Variants in CC2D2A observed in about 807,000 individuals in gnomAD.
CC2D2A encodes coiled-coil and C2 domain-containing protein 2A.
A neutral mutation model predicts 212.9 loss-of-function variants in CC2D2A; 155 were observed. The ratio of observed to expected loss-of-function variants is 0.73; its 90% confidence interval spans 0.64 to 0.83. The LOEUF is 0.83. Ranked by LOEUF, CC2D2A falls within the 40% of genes least tolerant of loss-of-function variation. CC2D2A has a pLI of 0.00. For missense variants in CC2D2A, 1,856 were observed against 1,956.2 expected, an observed-to-expected ratio of 0.95 and a Z score of 0.97; for synonymous variants, 667 against 686.5, an observed-to-expected ratio of 0.97 and a Z score of 0.44.
At chr4:15,552,596 T>C (rs62289349) in intron 18 of CC2D2A, among the ~76,000 whole-genome samples, 4,088 of 152,332 alleles carry the variant, frequency 0.027, 84 homozygotes, top group South Asian at 0.066. Flanking sequence ...GTCTCTAACA[T>C]ACTAAGTATT....
At chr4:15,557,604 C>A in intron 21 of CC2D2A, 97 bp downstream of exon 21, 1 of 705,504 alleles carries the variant, frequency 1.4e-6, no homozygotes, top group South Asian at 2.5e-5. Context: ...GTTATGTTGT[C>A]ACTAGCAATA....
At chr4:15,507,798 G>A (rs963668172) in intron 6 of CC2D2A, among the ~76,000 whole-genome samples, 2 of 152,210 alleles carry the variant, frequency 1.3e-5, no homozygotes, top group African/African-American at 2.4e-5. Flanking sequence ...TGTTGGGCCC[G>A]CAGAGCAGAC....
At chr4:15,514,638 A>T in intron 8 of CC2D2A, 69 bp from the exon 9 acceptor site, 1 of 1,200,966 alleles carries the variant, frequency 8.3e-7, no homozygotes, top group Non-Finnish European at 1.1e-6. Context: ...TGAGTTTGGT[A>T]TTGTGAATTA....
chr4:15,508,295 C>T (rs1716370601), intron 6 of CC2D2A, among the ~76,000 whole-genome samples: 1 of 152,154 alleles, frequency 6.6e-6, no homozygotes, highest in Non-Finnish European at 1.5e-5. Context: ...TTCCCAGTCC[C>T]CAGTTCCTGT....
intron 6 of CC2D2A, among the ~76,000 whole-genome samples, chr4:15,506,235 G>A (rs770677827): frequency 2.6e-5 from 4 of 152,006 alleles, no homozygotes; most frequent in Non-Finnish European, 5.9e-5. Context: ...GGCCTTAAAT[G>A]TATTAATATA....
At position 15,580,197 on chromosome 4, in the gene CC2D2A, C is replaced by T. The variant is rs746903900; in HGVS notation, c.3975+26C>T. ...GTAAGTATTTCATAGTCAATAAGTG[C>T]TGTGCTAAAACTGTTTTCACATTTC... is the stretch of plus-strand genomic sequence containing the variant. On this transcript the variant is annotated intron_variant, in intron 30 of 36. Coordinates refer to ENST00000424120, the MANE Select transcript of CC2D2A (RefSeq NM_001378615.1). The T allele has an allele frequency of 2.6e-6, 4 of 1,557,364 alleles. No individual in the cohort carries two copies. The South Asian group carries it at 4.5e-5, about 17-fold the overall frequency.
intron 9 of CC2D2A, among the ~76,000 whole-genome samples, chr4:15,515,592 A>G (rs1463950345): frequency 6.6e-6 from 1 of 152,222 alleles, no homozygotes. Context: ...CTTGTCTCTC[A>G]TCCTATGATT....
intron 1 of CC2D2A, among the ~76,000 whole-genome samples, 192 bp downstream of exon 1, chr4:15,470,249 T>G (rs1713632387): frequency 6.6e-6 from 1 of 152,220 alleles, no homozygotes; most frequent in South Asian, 2.1e-4. Context: ...CAGCTTTGAT[T>G]TGAGCTGCTA....
intron 18 of CC2D2A, among the ~76,000 whole-genome samples, chr4:15,552,940 G>A (rs1330017929): frequency 6.6e-6 from 1 of 152,216 alleles, no homozygotes; most frequent in Admixed American, 6.5e-5. Flanking sequence ...TCGAGAGTGC[G>A]TCATGAGAAT....
chr4:15,473,539 A>G lies in CC2D2A; in HGVS notation c.-18-2376A>G, dbSNP rs372932297. Among the ~76,000 whole-genome samples the G allele has an allele frequency of 3.5e-4, 53 of 152,306 alleles. No individual in the cohort carries two copies. In the South Asian group the frequency reaches 0.011, roughly 30 times the overall value. ...CACAGGGCTTGTAGGCCTTGGAAAA[A>G]ACTTTGGGTTTTACTCTGTTGACAA... On this transcript the variant is annotated intron_variant, in intron 1 of 36. Coordinates refer to ENST00000424120, the MANE Select transcript of CC2D2A (RefSeq NM_001378615.1).
chr4:15,569,536 C>T, intron 27 of CC2D2A, 147 bp downstream of exon 27: 1 of 600,146 alleles, frequency 1.7e-6, no homozygotes, highest in Non-Finnish European at 3.0e-6. Context: ...AGAGCGAGTC[C>T]ACAGTGCAAA....
Position 15,601,521 on chromosome 4 carries a change from G to T in CC2D2A, c.*96G>T. 3 of 737,442 alleles carry T rather than the reference G, an allele frequency of 4.1e-6. No homozygotes were observed. Among genetic ancestry groups the T allele is most frequent in the Non-Finnish European group, 6.2e-6 (3 of 484,260 alleles). The allele number at this position is 737,442 out of a possible 1,614,324, so 45.7% of individuals were successfully genotyped here. A position where few individuals can be genotyped will look rare whatever the true frequency, so the allele number is the denominator to read the frequency against. On this transcript the variant is annotated 3_prime_UTR_variant, in exon 37 of 37. Transcript: ENST00000424120. ...CATCACATCAGAAGAACATATTATT[G>T]GCAAATAATAAAATTATCAACTGTT... is the stretch of plus-strand genomic sequence containing the variant.
chr4:15,503,368 T>C (rs1318317068), intron 6 of CC2D2A, among the ~76,000 whole-genome samples: 1 of 152,206 alleles, frequency 6.6e-6, no homozygotes, highest in African/African-American at 2.4e-5. Context: ...TTTTACCACC[T>C]TTGTCCCATG....
chr4:15,576,250 G>A (rs958793400), intron 29 of CC2D2A: 1 of 225,752 alleles, frequency 4.4e-6, no homozygotes, highest in African/African-American at 2.3e-5. Context: ...TCCAAAAGAG[G>A]CAGTGGCAGA....
In CC2D2A at chr4:15,476,112, CAG is replaced by C. The variant is rs1350600408; in HGVS notation, c.39+144_39+145del. ...AAAGCTTTACATGAATTAGATTCAA[CAG>C]AGTCTAATTGTACAAAGAACGATTT... On this transcript the variant is annotated intron_variant, in intron 2 of 36. Transcript: ENST00000424120. 8 of 714,328 alleles carry C rather than the reference CAG, an allele frequency of 1.1e-5. No homozygotes were observed. The African/African-American group carries it at 1.4e-4, about 13-fold the overall frequency. 44.2% of individuals were successfully genotyped at this position (714,328 alleles called of 1,614,324 possible).
chr4:15,574,400 A>G (rs1720306028), intron 29 of CC2D2A, 74 bp downstream of exon 29: 1 of 1,213,960 alleles, frequency 8.2e-7, no homozygotes, highest in Non-Finnish European at 1.1e-6. Context: ...CTATACTTTT[A>G]TGAACTTTTT....
chr4:15,471,534 C>A (rs758882935), intron 1 of CC2D2A, among the ~76,000 whole-genome samples: 9 of 152,048 alleles, frequency 5.9e-5, no homozygotes, highest in Non-Finnish European at 1.2e-4. Context: ...GAGAGCCCAG[C>A]CTGTGCTAGG....
chr4:15,524,084 T>C (rs1717358150), intron 11 of CC2D2A, among the ~76,000 whole-genome samples: 1 of 152,174 alleles, frequency 6.6e-6, no homozygotes, highest in African/African-American at 2.4e-5. Context: ...TCAGGGCAAA[T>C]GTAGAAACTT....
At chr4:15,511,967 A>T (rs1716591164) in intron 8 of CC2D2A, among the ~76,000 whole-genome samples, 1 of 152,262 alleles carries the variant, frequency 6.6e-6, no homozygotes, top group South Asian at 2.1e-4. Context: ...GCCCATAAAA[A>T]GATTCTTAAC....
Sources: gnomAD v4.1 joint callset for allele counts (sites outside exome capture counted in the v4.1 genomes callset) on GRCh38, gnomAD v4.1.1 for gene constraint, MANE v1.5 for transcripts, NCBI Gene and HGNC (gene_info 2026-07-23, HGNC 2026-07-21) for gene names.